Variants in ADCY2 observed in about 807,000 individuals in gnomAD.
ADCY2 encodes adenylate cyclase 2.
ADCY2 carries 31 observed loss-of-function variants against 125.2 expected under a neutral mutation model. The ratio of observed to expected loss-of-function variants is 0.25; its 90% CI spans 0.19 to 0.33. The LOEUF (loss-of-function observed/expected upper bound fraction) is 0.33, where lower values mean the gene tolerates loss of function less well. Ranked by LOEUF, ADCY2 falls within the 10% of genes least tolerant of loss-of-function variation. The probability of loss-of-function intolerance (pLI) is 1.00; values close to 1 mark genes in which losing one functional copy is unlikely to be tolerated. For missense variants in ADCY2, 904 were observed against 1,418.2 expected (o/e 0.64, Z 5.82); for synonymous variants, 512 against 548.4 (o/e 0.93, Z 0.93).
intron 4 of ADCY2, among the ~76,000 whole-genome samples, chr5:7,661,937 T>C (rs1739550073): frequency 6.6e-6 from 1 of 152,196 alleles, no homozygotes; most frequent in African/African-American, 2.4e-5. Flanking sequence ...ACAGATGATA[T>C]CTCCATAGCA....
intron 2 of ADCY2, among the ~76,000 whole-genome samples, chr5:7,416,605 C>T (rs1358271952): frequency 1.3e-5 from 2 of 152,168 alleles, no homozygotes. Flanking sequence ...AACTGGGAGT[C>T]TCAGATCAAC....
At chr5:7,635,830 G>A (rs150782854) in intron 4 of ADCY2, among the ~76,000 whole-genome samples, 2 of 152,282 alleles carry the variant, frequency 1.3e-5, no homozygotes, top group African/African-American at 2.4e-5. Context: ...TAGATGATTT[G>A]TTTTTTCCTA....
intron 3 of ADCY2, among the ~76,000 whole-genome samples, chr5:7,608,352 C>T (rs922656131): frequency 2.6e-5 from 4 of 152,086 alleles, no homozygotes; most frequent in African/African-American, 4.8e-5. Flanking sequence ...GAGGCCAAGG[C>T]GGGCAGATTG....
intron 12 of ADCY2, among the ~76,000 whole-genome samples, chr5:7,723,943 A>AAGAAAAAAG (rs1741850205): frequency 6.9e-6 from 1 of 143,908 alleles, no homozygotes; most frequent in Non-Finnish European, 1.5e-5. Context: ...AAAAAAAAAA[A>AAGAAAAAAG]AGAGAAAAGA....
chr5:7,654,071 G>A (rs1446518140), intron 4 of ADCY2: 3 of 456,086 alleles, frequency 6.6e-6, no homozygotes, highest in African/African-American at 4.0e-5. Flanking sequence ...CAGATCAGTA[G>A]CATTTACCAC....
chr5:7,532,567 T>G (rs1734683857), intron 3 of ADCY2, among the ~76,000 whole-genome samples: 1 of 152,244 alleles, frequency 6.6e-6, no homozygotes, highest in South Asian at 2.1e-4. Context: ...CCCTTTAAGC[T>G]TTCTCCTAGC....
At chr5:7,726,945 C>G (rs62342468) in intron 13 of ADCY2, among the ~76,000 whole-genome samples, 18,140 of 152,142 alleles carry the variant, frequency 0.12, 1,180 homozygotes, top group African/African-American at 0.13. Context: ...CAGTTCCACT[C>G]ATAAACTGTG....
chr5:7,626,420 A>T, intron 4 of ADCY2, 104 bp downstream of exon 4: 1 of 1,342,844 alleles, frequency 7.4e-7, no homozygotes. Context: ...AGCTTCAGAA[A>T]AATCAGAGAA....
At chr5:7,742,055 G>T (rs62342474) in intron 14 of ADCY2, among the ~76,000 whole-genome samples, 17,734 of 148,940 alleles carry the variant, frequency 0.12, 1,156 homozygotes, top group African/African-American at 0.14. Flanking sequence ...AAGACGAAAT[G>T]TTGTTTCTAA....
intron 3 of ADCY2, among the ~76,000 whole-genome samples, chr5:7,552,314 T>C (rs370824423): frequency 6.6e-6 from 1 of 152,182 alleles, no homozygotes; most frequent in African/African-American, 2.4e-5. Context: ...CATCTGAAAA[T>C]GAGGGCCTGG....
chr5:7,465,012 C>T (rs35018833), intron 2 of ADCY2, among the ~76,000 whole-genome samples: 5 of 151,986 alleles, frequency 3.3e-5, no homozygotes, highest in Admixed American at 2.6e-4. Flanking sequence ...AGAGAATGAG[C>T]GCCAAGTGAA....
rs1046900357 is a variant in ADCY2 at position 7,696,909 on chromosome 5, G to T, written c.981+1046G>T. Among the ~76,000 whole-genome samples the T allele has an allele frequency of 2.0e-5, 3 of 152,068 alleles. No individual in the cohort carries two copies. The East Asian group carries it at 5.8e-4, about 29-fold the overall frequency. On this transcript the variant is annotated intron_variant, in intron 6 of 24. Coordinates refer to ENST00000338316, the MANE Select transcript of ADCY2 (RefSeq NM_020546.3). ...CCAAAGGAAGGGGGTGAGTTTTGTG[G>T]GTGTTCATTTATAAGAAAAGAAAGG...
chr5:7,777,717 T>C (rs1743779022), intron 18 of ADCY2, among the ~76,000 whole-genome samples: 1 of 152,216 alleles, frequency 6.6e-6, no homozygotes, highest in African/African-American at 2.4e-5. Context: ...GCCAACAAGA[T>C]GTTACAAACC....
chr5:7,490,062 C>T (rs1005112296), intron 2 of ADCY2, among the ~76,000 whole-genome samples: 14 of 151,908 alleles, frequency 9.2e-5, no homozygotes, highest in African/African-American at 3.4e-4. Flanking sequence ...AATTATCATT[C>T]TTGGTGGGCT....
chr5:7,525,886 A>G (rs976796471), intron 3 of ADCY2, among the ~76,000 whole-genome samples: 4 of 151,904 alleles, frequency 2.6e-5, no homozygotes, highest in Admixed American at 2.6e-4. Context: ...TCCCCTCCTC[A>G]TGCACAGATG....
At chr5:7,746,269 G>T (rs1306781742) in intron 15 of ADCY2, 1 of 152,448 alleles carries the variant, frequency 6.6e-6, no homozygotes, top group African/African-American at 2.4e-5. Flanking sequence ...GGCGACACTT[G>T]GTCCTCCTAA....
intron 20 of ADCY2, chr5:7,798,302 C>T (rs1008588779): frequency 1.3e-5 from 2 of 152,268 alleles, no homozygotes; most frequent in Non-Finnish European, 2.9e-5. Context: ...TCCAAAAACC[C>T]ATGAAAACAT....
At chr5:7,500,385 A>ACT (rs1743517177) in intron 2 of ADCY2, among the ~76,000 whole-genome samples, 7 of 152,194 alleles carry the variant, frequency 4.6e-5, no homozygotes, top group Non-Finnish European at 8.8e-5. Context: ...ACTACCAAAG[A>ACT]GTACAGTGGA....
intron 14 of ADCY2, among the ~76,000 whole-genome samples, chr5:7,734,737 T>G (rs1373529362): frequency 6.6e-6 from 1 of 152,192 alleles, no homozygotes; most frequent in African/African-American, 2.4e-5. Flanking sequence ...CTCACAGTAT[T>G]TGTTGTTCCC....
Sources: allele counts gnomAD v4.1 joint callset (sites outside exome capture counted in the v4.1 genomes callset), GRCh38; gene constraint gnomAD v4.1.1; transcripts MANE v1.5; gene names NCBI Gene and HGNC (gene_info 2026-07-23, HGNC 2026-07-21).